Variants in GMDS observed in about 807,000 individuals in gnomAD.
GMDS encodes GDP-mannose 4,6 dehydratase.
In GMDS, 20 loss-of-function variants were observed where a neutral mutation model predicts 49.9. The ratio of observed to expected loss-of-function variants is 0.40; its 90% CI spans 0.28 to 0.58. GMDS has a LOEUF of 0.58. Among genes scored for constraint, GMDS ranks in the 20% least tolerant of loss-of-function variants. GMDS has a pLI of 0.42. For synonymous variants in GMDS, 177 were observed against 178.6 expected (o/e 0.99, Z 0.07); for missense variants, 362 against 481.4 (o/e 0.75, Z 2.32).
intron 9 of GMDS, among the ~76,000 whole-genome samples, chr6:1,712,483 G>C (rs757623549): frequency 6.6e-6 from 1 of 152,104 alleles, no homozygotes; most frequent in Admixed American, 6.6e-5. Flanking sequence ...AACTGATATC[G>C]ATGGTTTACA....
intron 4 of GMDS, among the ~76,000 whole-genome samples, chr6:2,059,157 CAGAGTGAT>C (rs1231087403): frequency 2.8e-5 from 3 of 105,586 alleles, no homozygotes; most frequent in Non-Finnish European, 5.1e-5. Context: ...GCCTGGGCGA[CAGAGTGAT>C]CCTCTGTCTC....
At chr6:1,915,672 C>T (rs1220215202) in intron 7 of GMDS, among the ~76,000 whole-genome samples, 1 of 152,228 alleles carries the variant, frequency 6.6e-6, no homozygotes, top group Non-Finnish European at 1.5e-5. Flanking sequence ...ACAGCCAGCA[C>T]AAGGGTCGGC....
chr6:2,073,825 AAT>A (rs1486149366), intron 4 of GMDS, among the ~76,000 whole-genome samples: 3 of 152,226 alleles, frequency 2.0e-5, no homozygotes. Context: ...GGCTGCAAAT[AAT>A]ATGATTTCAT....
chr6:1,804,809 A>C (rs1327704247), intron 7 of GMDS, among the ~76,000 whole-genome samples: 3 of 152,184 alleles, frequency 2.0e-5, no homozygotes, highest in African/African-American at 7.2e-5. Context: ...TTTCAATGGC[A>C]GCTGAACTAT....
chr6:1,968,471 ACTG>A (rs1444971074), intron 4 of GMDS, among the ~76,000 whole-genome samples: 2 of 152,168 alleles, frequency 1.3e-5, no homozygotes, highest in African/African-American at 4.8e-5. Context: ...ATCCTGAGAC[ACTG>A]CTGATCAGGC....
chr6:1,948,956 C>A, intron 6 of GMDS: 2 of 318,658 alleles, frequency 6.3e-6, no homozygotes, highest in Non-Finnish European at 9.1e-6. Flanking sequence ...TCAGGACCAT[C>A]TTCTGTTGGC....
rs1045278495 is a variant in GMDS, at chr6:1,778,257, T to C, written c.772-35671A>G. ...GTAAGGGAATAACTTTGCTGGATTC[T>C]GTTACACTAGGGCCTCTGTGACCCC... On this transcript the variant is annotated intron_variant, in intron 7 of 10. Transcript: ENST00000380815. The surrounding 1 kb of genome is among the most constrained non-coding windows in gnomAD (Gnocchi z 4.6). Among the ~76,000 whole-genome samples, 2 of 152,214 alleles carry C rather than the reference T, an allele frequency of 1.3e-5. No homozygotes were observed. Among genetic ancestry groups the C allele is most frequent in the Non-Finnish European group, 2.9e-5 (2 of 68,036 alleles).
intron 7 of GMDS, among the ~76,000 whole-genome samples, chr6:1,794,440 T>C (rs1769660561): frequency 6.6e-6 from 1 of 152,108 alleles, no homozygotes; most frequent in South Asian, 2.1e-4. Flanking sequence ...ACTACGGCAT[T>C]ATATAGAAAG....
rs190952210 is a variant in GMDS, at chr6:1,855,895, G to A, written c.771+74208C>T. 4.6e-5 allele frequency among the ~76,000 whole-genome samples: 7 copies of A among 152,246 alleles called. No homozygotes were observed. The East Asian group carries it at 1.3e-3, about 29-fold the overall frequency. On this transcript the variant is annotated intron_variant, in intron 7 of 10. Coordinates refer to ENST00000380815, the MANE Select transcript of GMDS (RefSeq NM_001500.4). ...AATGCACACACACAAACACACGTAT[G>A]GATGGATGGATGCATGCAGGTACAT...
intron 7 of GMDS, among the ~76,000 whole-genome samples, chr6:1,862,535 C>A (rs1237752810): frequency 2.0e-5 from 3 of 152,168 alleles, no homozygotes; most frequent in Admixed American, 2.0e-4. Flanking sequence ...TTAGCTAGAA[C>A]AAGGTTAACA....
rs576361522 is a variant in GMDS, at chr6:1,840,702, G to C, written c.771+89401C>G. ...CCAAGTGGAGCACTGAGTGGAGACC[G>C]GGCTCTGGTGGCCAGCTAATCCAGA... is the stretch of plus-strand genomic sequence containing the variant. On this transcript the variant is annotated intron_variant, in intron 7 of 10. Coordinates refer to ENST00000380815, the MANE Select transcript of GMDS (RefSeq NM_001500.4). 7.9e-5 allele frequency among the ~76,000 whole-genome samples: 12 copies of C among 152,286 alleles called. No individual in the cohort carries two copies. In the South Asian group the frequency reaches 2.5e-3, roughly 32 times the overall value.
rs372237145 is a variant in GMDS, at chr6:1,761,722, TA to T, written c.772-19137del. Among the ~76,000 whole-genome samples, 127 of 152,368 alleles carry T rather than the reference TA, an allele frequency of 8.3e-4. 1 individual carries two copies. The highest frequency in any genetic ancestry group is 1.5e-3 in the Non-Finnish European group (99 of 68,042). ...ACATGAAAGTATTTGCATAGAGCTT[TA>T]TTACTGATCTTCAGATGTTAGCCAG... is the stretch of plus-strand genomic sequence containing the variant. On this transcript the variant is annotated intron_variant, in intron 7 of 10. Transcript: ENST00000380815.
intron 1 of GMDS, among the ~76,000 whole-genome samples, chr6:2,232,594 C>T (rs181065257): frequency 1.3e-5 from 2 of 152,304 alleles, no homozygotes; most frequent in African/African-American, 4.8e-5. Context: ...TAGGAAGCCA[C>T]AAAAACCAAT....
At chr6:1,740,849 G>T (rs915984831) in intron 8 of GMDS, among the ~76,000 whole-genome samples, 3 of 152,014 alleles carry the variant, frequency 2.0e-5, no homozygotes, top group Non-Finnish European at 2.9e-5. Flanking sequence ...ATTTGAAAAA[G>T]ATCTTATTTT....
chr6:2,157,187 C>T (rs563002910), intron 1 of GMDS, among the ~76,000 whole-genome samples: 117 of 152,350 alleles, frequency 7.7e-4, no homozygotes, highest in Non-Finnish European at 1.3e-3. Flanking sequence ...AATTACTTGA[C>T]ATCTTATTAA....
At position 2,149,961 on chromosome 6, in the gene GMDS, A is replaced by T. The variant is rs187171113; in HGVS notation, c.103-25230T>A. Among the ~76,000 whole-genome samples the T allele has an allele frequency of 5.7e-3, 864 of 152,200 alleles. 2 individuals are homozygous for T. The highest frequency in any genetic ancestry group is 0.017 in the Middle Eastern group (5 of 294). On this transcript the variant is annotated intron_variant, in intron 1 of 10. Coordinates refer to ENST00000380815, the MANE Select transcript of GMDS (RefSeq NM_001500.4). ...CTTATATCCTGGAAATAACAGAAAA[A>T]TTTTAAAAGACCCTCTATTTTGGTT... is the stretch of plus-strand genomic sequence containing the variant.
chr6:1,955,066 A>G (rs1051209238), intron 6 of GMDS, among the ~76,000 whole-genome samples: 6 of 152,180 alleles, frequency 3.9e-5, no homozygotes, highest in Non-Finnish European at 8.8e-5. Flanking sequence ...CGACACAGAG[A>G]CAGGAGGTGA....
chr6:1,702,610 G>C (rs1182682117), intron 9 of GMDS, among the ~76,000 whole-genome samples: 2 of 152,232 alleles, frequency 1.3e-5, no homozygotes, highest in African/African-American at 4.8e-5. Context: ...TCCCTCTGTG[G>C]GTCCCCCAGC....
rs562726273 is a variant in GMDS, at chr6:1,764,993, CCTTTAATAGTGTTG to C, written c.772-22421_772-22408del. On this transcript the variant is annotated intron_variant, in intron 7 of 10. Coordinates refer to ENST00000380815, the MANE Select transcript of GMDS (RefSeq NM_001500.4). ...TCATGAATTATTGTTAAATAGTGTT[CCTTTAATAGTGTTG>C]CTAAATAGTAAACAGCTGTGGGCAC... 2.9e-3 allele frequency among the ~76,000 whole-genome samples: 436 copies of C among 152,116 alleles called. 2 individuals are homozygous for C. Among genetic ancestry groups the C allele is most frequent in the African/African-American group, 0.01 (424 of 41,492 alleles).
Sources: gnomAD v4.1 joint callset for allele counts (sites outside exome capture counted in the v4.1 genomes callset) on GRCh38, gnomAD v4.1.1 for gene constraint, Gnocchi (gnomAD v3.1) non-coding constraint, MANE v1.5 for transcripts, NCBI Gene and HGNC (gene_info 2026-07-23, HGNC 2026-07-21) for gene names.